The following SLC13A3 variants were observed in gnomAD, a reference collection of about 807,000 sequenced individuals.
The protein encoded by SLC13A3 is solute carrier family 13 member 3.
SLC13A3 carries 40 observed loss-of-function variants against 59.0 expected under a neutral mutation model. That is an observed-to-expected ratio of 0.68 (90% CI 0.53 to 0.88). SLC13A3 has a LOEUF of 0.88. Among genes scored for constraint, SLC13A3 ranks in the 40% least tolerant of loss-of-function variants. The probability of loss-of-function intolerance (pLI) is 0.00; values close to 1 mark genes in which losing one functional copy is unlikely to be tolerated. For synonymous variants in SLC13A3, 317 were observed against 330.3 expected (o/e 0.96, Z 0.44); for missense variants, 699 against 783.2 (o/e 0.89, Z 1.28).
intron 1 of SLC13A3, chr20:46,682,368 G>T (rs141786190): frequency 5.3e-5 from 8 of 152,346 alleles, no homozygotes; most frequent in Non-Finnish European, 8.8e-5. Flanking sequence ...CGTGGTGTGG[G>T]CGTGGTCAGC....
At position 46,589,148 on chromosome 20, in the gene SLC13A3, G is replaced by T. The variant is rs1600525369; in HGVS notation, c.1016+12C>A. On this transcript the variant is annotated intron_variant, in intron 7 of 12. Transcript: ENST00000279027. Reference sequence around the variant, plus strand: ...ACTCAGCTCTTTCCTTAACCCAAGGGCCCCCACATACTTGATGGGCCCCAG... The same window carrying T: ...ACTCAGCTCTTTCCTTAACCCAAGGTCCCCCACATACTTGATGGGCCCCAG... The T allele has an allele frequency of 6.2e-7, 1 of 1,611,068 alleles. No homozygotes were observed. The highest frequency in any genetic ancestry group is 8.5e-7 in the Non-Finnish European group (1 of 1,177,258).
intron 10 of SLC13A3, among the ~76,000 whole-genome samples, chr20:46,570,944 G>C (rs1423205576): frequency 6.6e-6 from 1 of 152,108 alleles, no homozygotes; most frequent in Non-Finnish European, 1.5e-5. Context: ...CCCGGGTGTG[G>C]GTAATTTATA....
chr20:46,637,336 T>G (rs1360677447), intron 1 of SLC13A3, among the ~76,000 whole-genome samples: 1 of 152,210 alleles, frequency 6.6e-6, no homozygotes, highest in Non-Finnish European at 1.5e-5. Context: ...TTCGGGATTT[T>G]GGCCAAGAAT....
intron 1 of SLC13A3, among the ~76,000 whole-genome samples, chr20:46,650,531 G>T (rs1334023655): frequency 6.6e-6 from 1 of 152,192 alleles, no homozygotes; most frequent in African/African-American, 2.4e-5. Flanking sequence ...ACTGCTTATT[G>T]GGCATTTATT....
chr20:46,632,910 T>TAGACAGACAG (rs1314009715), intron 1 of SLC13A3, among the ~76,000 whole-genome samples: 14,903 of 71,832 alleles, frequency 0.21, 2,209 homozygotes, highest in Middle Eastern at 0.31. Context: ...GATAGATAGA[T>TAGACAGACAG]ATATCTATCT....
chr20:46,684,131 T>A (rs1044313349), intron 1 of SLC13A3, among the ~76,000 whole-genome samples: 1 of 152,172 alleles, frequency 6.6e-6, no homozygotes, highest in East Asian at 1.9e-4. Context: ...GTCGGGGATG[T>A]TTCTTCTTCG....
intron 1 of SLC13A3, among the ~76,000 whole-genome samples, chr20:46,634,051 A>G (rs1480224523): frequency 6.6e-6 from 1 of 152,180 alleles, no homozygotes; most frequent in Non-Finnish European, 1.5e-5. Flanking sequence ...CGGCTCAGCG[A>G]TGAAGATTAT....
At chr20:46,682,725 T>C (rs1796263094) in intron 1 of SLC13A3, among the ~76,000 whole-genome samples, 1 of 152,208 alleles carries the variant, frequency 6.6e-6, no homozygotes. Context: ...CTCTGTCACT[T>C]ATTGTGACCC....
intron 2 of SLC13A3, among the ~76,000 whole-genome samples, 160 bp downstream of exon 2, chr20:46,613,300 G>GAAATAAATAAATAAATAAAT (rs11472968): frequency 4.2e-4 from 61 of 146,172 alleles, no homozygotes; most frequent in Middle Eastern, 3.4e-3. Context: ...AAATAGTAGA[G>GAAATAAATAAATAAATAAAT]AAATAAATAA....
intron 10 of SLC13A3, among the ~76,000 whole-genome samples, chr20:46,571,971 G>A (rs1413664700): frequency 6.6e-6 from 1 of 152,116 alleles, no homozygotes; most frequent in African/African-American, 2.4e-5. Flanking sequence ...CCAATGTTGA[G>A]ACCTACATTG....
intron 8 of SLC13A3, chr20:46,584,137 CA>C (rs1043049962): frequency 1.0e-6 from 1 of 985,362 alleles, no homozygotes; most frequent in South Asian, 4.7e-5. Flanking sequence ...CTTGGCCCCT[CA>C]AAACCTAACT....
In SLC13A3 at chr20:46,560,083, T is replaced by A. The variant is rs201204730; in HGVS notation, c.1748A>T (p.Tyr583Phe). ...TGGCAATGCTGTGACATTGACCGAG[T>A]ACATATCAGCCCAGTCCGGGAAGGT... ...LGTFPDWADMYSVNVTALPPT... is the reference protein window; with the variant it reads ...LGTFPDWADMFSVNVTALPPT... The change falls in exon 13 of 13, where the codon TAC becomes TTC. Residue 583 changes from tyrosine to phenylalanine, a missense_variant. Physicochemically the swap from Tyr to Phe is conservative, Grantham distance 22 (BLOSUM62 3). Coordinates refer to ENST00000279027, the MANE Select transcript of SLC13A3 (RefSeq NM_022829.6). 1.9e-5 allele frequency: 30 copies of A among 1,613,844 alleles called. No individual in the cohort carries two copies. Among genetic ancestry groups the A allele is most frequent in the Non-Finnish European group, 2.4e-5 (28 of 1,179,988 alleles).
intron 1 of SLC13A3, among the ~76,000 whole-genome samples, chr20:46,650,454 C>T (rs966300866): frequency 5.9e-5 from 9 of 152,156 alleles, no homozygotes; most frequent in Non-Finnish European, 1.3e-4. Flanking sequence ...AATCCTCACC[C>T]GTAGTAAGCA....
At chr20:46,566,976 G>A (rs893380514) in intron 10 of SLC13A3, among the ~76,000 whole-genome samples, 2 of 152,034 alleles carry the variant, frequency 1.3e-5, no homozygotes, top group African/African-American at 2.4e-5. Flanking sequence ...GGCTGAGGTA[G>A]GCGGATCACT....
At chr20:46,658,179 C>T (rs2063005729) in intron 1 of SLC13A3, among the ~76,000 whole-genome samples, 1 of 151,766 alleles carries the variant, frequency 6.6e-6, no homozygotes. Context: ...CTTTGGAATA[C>T]TGATACATGC....
intron 1 of SLC13A3, 40 bp downstream of exon 1, chr20:46,651,271 C>T (rs1481474684): frequency 2.7e-6 from 4 of 1,457,246 alleles, no homozygotes; most frequent in South Asian, 1.4e-5. Context: ...AGGATCCCGC[C>T]TGTGGTTGAC....
chr20:46,647,004 G>T (rs142072946), intron 1 of SLC13A3, among the ~76,000 whole-genome samples: 1 of 152,140 alleles, frequency 6.6e-6, no homozygotes, highest in Non-Finnish European at 1.5e-5. Context: ...CCTTACAGGT[G>T]TACTACCATC....
intron 10 of SLC13A3, among the ~76,000 whole-genome samples, chr20:46,567,727 G>T (rs1397352815): frequency 1.3e-5 from 2 of 152,072 alleles, no homozygotes; most frequent in African/African-American, 4.8e-5. Context: ...ATAACATCTA[G>T]AATACTCTTC....
At chr20:46,627,675 A>G (rs1334200814) in intron 1 of SLC13A3, among the ~76,000 whole-genome samples, 2 of 152,120 alleles carry the variant, frequency 1.3e-5, no homozygotes, top group Non-Finnish European at 2.9e-5. Context: ...TCACCAATTT[A>G]TGACCTCTCA....
Sources: gnomAD v4.1 joint callset for allele counts (sites outside exome capture counted in the v4.1 genomes callset) on GRCh38, gnomAD v4.1.1 for gene constraint, MANE v1.5 for transcripts, NCBI Gene and HGNC (gene_info 2026-07-23, HGNC 2026-07-21) for gene names.